The following ZNF827 variants were observed in gnomAD, a reference collection of about 807,000 sequenced individuals.
ZNF827 encodes zinc finger protein 827.
Under a neutral mutation model 102.4 loss-of-function variants are expected in ZNF827, and 13 were observed. The observed-to-expected ratio is 0.13, with a 90% CI of 0.08 to 0.20. The LOEUF (loss-of-function observed/expected upper bound fraction) is 0.20. Among genes scored for constraint, ZNF827 ranks in the 10% least tolerant of loss-of-function variants. ZNF827 has a pLI of 1.00. For synonymous variants in ZNF827, 523 were observed against 536.2 expected, an observed-to-expected ratio of 0.98 and a Z score of 0.34; for missense variants, 1,103 against 1,344.4, an observed-to-expected ratio of 0.82 and a Z score of 2.81.
Position 145,885,735 on chromosome 4 carries a change from A to ATGC in ZNF827, c.1687_1689dup (p.Ala563dup). ...TTAACAGAGATGTCCTGGCTGAACA[A>ATGC]TGCTGACGCACTGTTGGCCACATAC... On this transcript the variant is annotated inframe_insertion, in exon 4 of 15. Coordinates refer to ENST00000508784, the MANE Select transcript of ZNF827 (RefSeq NM_001306215.2). The ATGC allele has an allele frequency of 6.3e-7, 1 of 1,581,558 alleles. No individual in the cohort carries two copies. Among genetic ancestry groups the ATGC allele is most frequent in the Non-Finnish European group, 8.6e-7 (1 of 1,164,364 alleles).
chr4:145,792,902 G>A (rs1027998499), intron 8 of ZNF827, among the ~76,000 whole-genome samples: 2 of 152,044 alleles, frequency 1.3e-5, no homozygotes, highest in African/African-American at 4.8e-5. Context: ...TGCAAAATAT[G>A]GCAGGACTAC....
chr4:145,859,830 G>GTCC (rs1194930296), intron 5 of ZNF827, among the ~76,000 whole-genome samples: 1 of 152,162 alleles, frequency 6.6e-6, no homozygotes, highest in Non-Finnish European at 1.5e-5. Context: ...TGATACCCCA[G>GTCC]TCCTGGGTGT....
intron 8 of ZNF827, among the ~76,000 whole-genome samples, chr4:145,784,446 T>A (rs574129970): frequency 6.6e-6 from 1 of 152,320 alleles, no homozygotes; most frequent in East Asian, 1.9e-4. Flanking sequence ...TTCCACCTTT[T>A]GACAGGCTTT....
At chr4:145,898,945 T>C (rs1047787010) in intron 2 of ZNF827, among the ~76,000 whole-genome samples, 1 of 152,212 alleles carries the variant, frequency 6.6e-6, no homozygotes, top group Non-Finnish European at 1.5e-5. Context: ...ATATGCTTTT[T>C]TCTTGCGCAT....
intron 1 of ZNF827, chr4:145,907,258 T>C (rs1156929637): frequency 2.2e-6 from 1 of 454,684 alleles, no homozygotes; most frequent in Non-Finnish European, 4.4e-6. Context: ...AATCTCATAA[T>C]GGAGGAGTTC....
intron 6 of ZNF827, among the ~76,000 whole-genome samples, chr4:145,848,176 C>CA (rs1746166931): frequency 6.6e-6 from 1 of 152,180 alleles, no homozygotes; most frequent in Admixed American, 6.5e-5. Context: ...CTTCATCCTT[C>CA]AAAAAATACA....
intron 8 of ZNF827, among the ~76,000 whole-genome samples, chr4:145,800,085 G>C (rs951869808): frequency 1.3e-5 from 2 of 152,024 alleles, no homozygotes; most frequent in Admixed American, 1.3e-4. Flanking sequence ...TTAGTTTATA[G>C]AGAGTAGGAC....
At chr4:145,900,501 C>A (rs1465721977) in intron 2 of ZNF827, among the ~76,000 whole-genome samples, 1 of 152,020 alleles carries the variant, frequency 6.6e-6, no homozygotes, top group Non-Finnish European at 1.5e-5. Context: ...CCTCTGCCTC[C>A]CGGGTTCAAG....
At chr4:145,892,475 C>T in intron 2 of ZNF827, 60 bp from the exon 3 acceptor site, 1 of 1,478,886 alleles carries the variant, frequency 6.8e-7, no homozygotes, top group Non-Finnish European at 9.1e-7. Flanking sequence ...CTGCATCTGG[C>T]ATTAATTCAC....
At chr4:145,916,845 C>T (rs983268897) in intron 1 of ZNF827, among the ~76,000 whole-genome samples, 1 of 152,160 alleles carries the variant, frequency 6.6e-6, no homozygotes, top group Non-Finnish European at 1.5e-5. Context: ...GTTGATGGCT[C>T]TTAAATTCTG....
intron 4 of ZNF827, among the ~76,000 whole-genome samples, chr4:145,881,191 A>G (rs1162601581): frequency 1.3e-5 from 2 of 152,266 alleles, no homozygotes; most frequent in Admixed American, 1.3e-4. Flanking sequence ...TTATATGTGA[A>G]CACCTTTGCT....
At chr4:145,921,374 T>C (rs1753053304) in intron 1 of ZNF827, among the ~76,000 whole-genome samples, 1 of 149,908 alleles carries the variant, frequency 6.7e-6, no homozygotes, top group Non-Finnish European at 1.5e-5. Context: ...TAGGATTATC[T>C]GGATTACATG....
intron 13 of ZNF827, chr4:145,764,603 G>A (rs1207954857): frequency 1.4e-5 from 3 of 215,284 alleles, no homozygotes; most frequent in Non-Finnish European, 2.8e-5. Flanking sequence ...GCAAGCCATC[G>A]GAAAAACAGA....
intron 8 of ZNF827, among the ~76,000 whole-genome samples, chr4:145,813,078 G>A (rs1210284739): frequency 2.0e-5 from 3 of 152,016 alleles, no homozygotes; most frequent in Admixed American, 6.5e-5. Flanking sequence ...TCCATTAAAC[G>A]CCCATTAGTC....
At chr4:145,830,396 T>TA (rs1374306654) in intron 7 of ZNF827, 1 of 152,198 alleles carries the variant, frequency 6.6e-6, no homozygotes, top group Non-Finnish European at 1.5e-5. Flanking sequence ...TCAAGTACTT[T>TA]AAGGTGAGAA....
intron 5 of ZNF827, among the ~76,000 whole-genome samples, chr4:145,853,930 A>G (rs1746797728): frequency 6.6e-6 from 1 of 151,686 alleles, no homozygotes; most frequent in Admixed American, 6.6e-5. Flanking sequence ...GCACCATTAC[A>G]CTCCGGCATG....
At chr4:145,868,838 C>T (rs1307886559) in intron 5 of ZNF827, among the ~76,000 whole-genome samples, 2 of 152,150 alleles carry the variant, frequency 1.3e-5, no homozygotes, top group African/African-American at 4.8e-5. Flanking sequence ...GTTAAGACTT[C>T]AAGTCACTGG....
chr4:145,871,838 C>T (rs577234796), intron 4 of ZNF827, among the ~76,000 whole-genome samples: 1 of 152,210 alleles, frequency 6.6e-6, no homozygotes, highest in Admixed American at 6.5e-5. Context: ...AACTGAACCC[C>T]AGAAGCCCAA....
In ZNF827 at chr4:145,937,674, C is replaced by T. The variant is rs1331109472; in HGVS notation, c.43+691G>A. 4.4e-5 allele frequency among the ~76,000 whole-genome samples: 6 copies of T among 137,290 alleles called. No homozygotes were observed. In the East Asian group the frequency reaches 1.5e-3, roughly 34 times the overall value. The allele number at this position is 137,290 out of a possible 152,430, so 90.1% of individuals were successfully genotyped here. A position where few individuals can be genotyped will look rare whatever the true frequency, so the allele number is the denominator to read the frequency against. Reference sequence around the variant, plus strand: ...TGCCCCTACACCCTCCCCAGCCGCTCCCGCCTCGCCCGCCCCCGACTCCCC... The same window carrying T: ...TGCCCCTACACCCTCCCCAGCCGCTTCCGCCTCGCCCGCCCCCGACTCCCC... On this transcript the variant is annotated intron_variant, in intron 1 of 14. Transcript: ENST00000508784.
Sources: gnomAD v4.1 joint callset for allele counts (sites outside exome capture counted in the v4.1 genomes callset) on GRCh38, gnomAD v4.1.1 for gene constraint, MANE v1.5 for transcripts, NCBI Gene and HGNC (gene_info 2026-07-23, HGNC 2026-07-21) for gene names.